CDH18: variants seen among roughly 807,000 people sequenced by gnomAD.
CDH18 encodes the protein cadherin-18.
In CDH18, 31 loss-of-function variants were observed where a neutral mutation model predicts 67.9. The ratio of observed to expected loss-of-function variants is 0.46; its 90% CI spans 0.34 to 0.62. The LOEUF is 0.62. Among genes scored for constraint, CDH18 ranks in the 20% least tolerant of loss-of-function variants. The probability of loss-of-function intolerance (pLI) is 0.01; values close to 1 mark genes in which losing one functional copy is unlikely to be tolerated. For synonymous variants in CDH18, 362 were observed against 347.2 expected (o/e 1.04, Z -0.48); for missense variants, 890 against 975.5 (o/e 0.91, Z 1.17).
At chr5:20,412,175 A>C (rs1746843399) in intron 1 of CDH18, among the ~76,000 whole-genome samples, 1 of 152,176 alleles carries the variant, frequency 6.6e-6, no homozygotes, top group South Asian at 2.1e-4. Flanking sequence ...GGACCAGTAC[A>C]ACAATAGTCA....
At chr5:19,519,704 T>C (rs2934213) in intron 10 of CDH18, among the ~76,000 whole-genome samples, 3,761 of 152,274 alleles carry the variant, frequency 0.025, 171 homozygotes, top group African/African-American at 0.085. Context: ...TCTTATTTGC[T>C]TGATGAAATA....
At position 20,487,354 on chromosome 5, in the gene CDH18, C is replaced by CTA. The variant is rs200267236; in HGVS notation, c.-580+88106_-580+88107dup. On this transcript the variant is annotated intron_variant, in intron 1 of 14. Coordinates refer to the CDH18 transcript ENST00000507958. ...TATATAAACCTATATATGTATAAACCTATATATATATATAAACCTATATAT... is the reference window on the plus strand; with the variant it reads ...TATATAAACCTATATATGTATAAACCTATATATATATATATAAACCTATATAT... Among the ~76,000 whole-genome samples the CTA allele has an allele frequency of 1.0e-3, 150 of 146,426 alleles. 1 individual carries two copies. Among genetic ancestry groups the CTA allele is most frequent in the Non-Finnish European group, 1.7e-3 (111 of 66,520 alleles).
chr5:20,416,899 A>T (rs1473322388), intron 1 of CDH18, among the ~76,000 whole-genome samples: 3 of 152,118 alleles, frequency 2.0e-5, no homozygotes, highest in Non-Finnish European at 4.4e-5. Flanking sequence ...GAAGGAGGGT[A>T]AAAAATAGAT....
intron 1 of CDH18, among the ~76,000 whole-genome samples, chr5:20,393,017 A>T (rs138593205): frequency 1.3e-5 from 2 of 151,926 alleles, no homozygotes; most frequent in Non-Finnish European, 2.9e-5. Flanking sequence ...ATTATCCAGA[A>T]TGATATTCAT....
intron 5 of CDH18, among the ~76,000 whole-genome samples, chr5:19,648,822 T>C (rs1389481011): frequency 6.6e-6 from 1 of 150,714 alleles, no homozygotes; most frequent in Non-Finnish European, 1.5e-5. Flanking sequence ...AAATTTTGTA[T>C]ATGGAGAGGT....
In CDH18 at chr5:20,484,145, G is replaced by A. The variant is rs369691104; in HGVS notation, c.-580+91317C>T. Among the ~76,000 whole-genome samples the A allele has an allele frequency of 2.0e-5, 3 of 152,066 alleles. No individual in the cohort carries two copies. In the East Asian group the frequency reaches 5.8e-4, roughly 29 times the overall value. On this transcript the variant is annotated intron_variant, in intron 1 of 14. Coordinates refer to the CDH18 transcript ENST00000507958. Reference sequence around the variant, plus strand: ...TCTGAATAGAAATTTCTCAAAAGAAGACCTACAAATGTCCAGCAGATATAT... The same window carrying A: ...TCTGAATAGAAATTTCTCAAAAGAAAACCTACAAATGTCCAGCAGATATAT...
Position 19,503,127 on chromosome 5 carries a change from T to G in CDH18, c.1513-18A>C. 1 of 1,247,580 alleles carries G rather than the reference T, an allele frequency of 8.0e-7. No homozygotes were observed. Among genetic ancestry groups the G allele is most frequent in the African/African-American group, 1.5e-5 (1 of 67,038 alleles). 77.3% of individuals were successfully genotyped at this position (1,247,580 alleles called of 1,614,324 possible). A position where few individuals can be genotyped will look rare whatever the true frequency, so the allele number is the denominator to read the frequency against. On this transcript the variant is annotated intron_variant, in intron 10 of 12. Coordinates refer to ENST00000382275, the MANE Select transcript of CDH18 (RefSeq NM_004934.5). Reference sequence around the variant, plus strand: ...TGAATAACCTAAAGAAAAGACAAACTCTAAATCGTAAATTTAATTTTGCTT... The same window carrying G: ...TGAATAACCTAAAGAAAAGACAAACGCTAAATCGTAAATTTAATTTTGCTT...
At chr5:19,797,565 A>T (rs1388241749) in intron 3 of CDH18, among the ~76,000 whole-genome samples, 1 of 152,046 alleles carries the variant, frequency 6.6e-6, no homozygotes, top group African/African-American at 2.4e-5. Flanking sequence ...AAAAACTGAA[A>T]TTAAAACAAT....
intron 10 of CDH18, among the ~76,000 whole-genome samples, chr5:19,517,769 C>A (rs1288203173): frequency 2.6e-5 from 4 of 151,984 alleles, no homozygotes; most frequent in Non-Finnish European, 5.9e-5. Context: ...CTCTCATATG[C>A]CTCTCAGAAT....
chr5:20,451,907 T>C (rs1352772205), intron 1 of CDH18, among the ~76,000 whole-genome samples: 1 of 152,190 alleles, frequency 6.6e-6, no homozygotes, highest in African/African-American at 2.4e-5. Context: ...CCATGGCATC[T>C]ATATGAACAG....
chr5:20,002,215 G>C (rs919362981), intron 2 of CDH18, among the ~76,000 whole-genome samples: 3 of 152,100 alleles, frequency 2.0e-5, no homozygotes, highest in Non-Finnish European at 2.9e-5. Flanking sequence ...CTTTTCTATT[G>C]AAACATCATT....
intron 3 of CDH18, among the ~76,000 whole-genome samples, chr5:19,805,053 C>T (rs2149867641): frequency 6.6e-6 from 1 of 151,682 alleles, no homozygotes; most frequent in African/African-American, 2.4e-5. Context: ...TTCAAATGAT[C>T]CTCCCACCTC....
chr5:20,058,387 AT>A (rs1393475088), intron 2 of CDH18, among the ~76,000 whole-genome samples: 2 of 152,122 alleles, frequency 1.3e-5, no homozygotes, highest in East Asian at 3.9e-4. Flanking sequence ...AGCACAGTTA[AT>A]TTATTTGGAC....
intron 1 of CDH18, among the ~76,000 whole-genome samples, chr5:20,429,017 G>T (rs1016979761): frequency 6.6e-5 from 10 of 151,838 alleles, no homozygotes; most frequent in Admixed American, 2.6e-4. Flanking sequence ...AAATATTGAT[G>T]TTGGGTAGGT....
At chr5:19,848,710 T>G (rs935959753) in intron 2 of CDH18, among the ~76,000 whole-genome samples, 3 of 151,842 alleles carry the variant, frequency 2.0e-5, no homozygotes, top group African/African-American at 7.3e-5. Context: ...AAAGAGGTAA[T>G]GTAGGACTGG....
intron 2 of CDH18, among the ~76,000 whole-genome samples, chr5:20,171,265 C>T (rs1230827041): frequency 6.6e-6 from 1 of 151,936 alleles, no homozygotes; most frequent in African/African-American, 2.4e-5. Context: ...AATGGTAGTT[C>T]TGTTTTTAAG....
intron 1 of CDH18, among the ~76,000 whole-genome samples, chr5:20,559,968 T>TG (rs371453454): frequency 0.017 from 2,597 of 151,568 alleles, 37 homozygotes; most frequent in African/African-American, 0.029. Context: ...TAAAGGAGTT[T>TG]GGTTGATTCA....
chr5:20,178,591 T>C (rs1474414519), intron 2 of CDH18, among the ~76,000 whole-genome samples: 1 of 149,554 alleles, frequency 6.7e-6, no homozygotes, highest in Non-Finnish European at 1.5e-5. Flanking sequence ...TTTCTTTCTT[T>C]CTTTTTTTTT....
At chr5:20,256,972 A>ATCTGTC (rs374238378) in intron 1 of CDH18, among the ~76,000 whole-genome samples, 5 of 141,204 alleles carry the variant, frequency 3.5e-5, no homozygotes, top group Non-Finnish European at 3.1e-5. Context: ...TAATCTATCT[A>ATCTGTC]TATCTATATC....
Sources: allele counts gnomAD v4.1 joint callset (sites outside exome capture counted in the v4.1 genomes callset), GRCh38; gene constraint gnomAD v4.1.1; transcripts MANE v1.5; gene names NCBI Gene and HGNC (gene_info 2026-07-23, HGNC 2026-07-21).